The following DNMBP variants were observed in gnomAD, a reference collection of about 807,000 sequenced individuals.
DNMBP encodes dynamin-binding protein.
Under a neutral mutation model 150.0 loss-of-function variants are expected in DNMBP, and 87 were observed. The observed-to-expected ratio is 0.58, with a 90% CI of 0.49 to 0.69. The LOEUF (loss-of-function observed/expected upper bound fraction) is 0.69. Among genes scored for constraint, DNMBP ranks in the 30% least tolerant of loss-of-function variants. DNMBP has a pLI of 0.00. For missense variants in DNMBP, 1,774 were observed against 1,949.0 expected, an observed-to-expected ratio of 0.91 and a Z score of 1.69; for synonymous variants, 711 against 750.4, an observed-to-expected ratio of 0.95 and a Z score of 0.86.
Position 99,956,465 on chromosome 10 carries a change from G to A in DNMBP, c.1009C>T (p.Gln337Ter). The A allele has an allele frequency of 6.2e-7, 1 of 1,614,068 alleles. No individual in the cohort carries two copies. The highest frequency in any genetic ancestry group is 8.5e-7 in the Non-Finnish European group (1 of 1,180,024). The part of the protein sequence containing the change: ...CLENTLGVEE[Q>*]RHETSDHEAE... ...TCATGGTCACTGGTTTCATGTCTTTGTTCCTCTACTCCTAAGGTGTTCTCC... is the reference window on the plus strand; with the variant it reads ...TCATGGTCACTGGTTTCATGTCTTTATTCCTCTACTCCTAAGGTGTTCTCC... Residue 337 changes from glutamine to a stop codon, truncating the protein, a stop_gained, in exon 4 of 17, where the codon CAA (glutamine) becomes TAA (stop). Transcript: ENST00000324109. LOFTEE classifies it high-confidence loss of function.
At chr10:99,903,464 C>G (rs754684390) in intron 6 of DNMBP, among the ~76,000 whole-genome samples, 2 of 152,100 alleles carry the variant, frequency 1.3e-5, no homozygotes, top group Admixed American at 6.6e-5. Context: ...CCCCAAATAG[C>G]TGGAACTACA....
chr10:99,997,313 T>C (rs868642065), intron 1 of DNMBP, among the ~76,000 whole-genome samples: 1 of 152,210 alleles, frequency 6.6e-6, no homozygotes, highest in Non-Finnish European at 1.5e-5. Context: ...CCCTTCCACA[T>C]AGCAGTTGTA....
intron 1 of DNMBP, among the ~76,000 whole-genome samples, chr10:99,979,749 C>T (rs2040763818): frequency 6.6e-6 from 1 of 152,222 alleles, no homozygotes; most frequent in Admixed American, 6.5e-5. Flanking sequence ...CATTTCTAAA[C>T]TTGTCTGGCC....
chr10:99,886,685 G>A, intron 12 of DNMBP, 53 bp from the exon 13 acceptor site: 2 of 1,531,698 alleles, frequency 1.3e-6, no homozygotes, highest in Non-Finnish European at 1.8e-6. Context: ...CCACATTTGT[G>A]ATTATCCAAG....
At chr10:99,961,201 C>G (rs1484290241) in intron 3 of DNMBP, among the ~76,000 whole-genome samples, 1 of 149,786 alleles carries the variant, frequency 6.7e-6, no homozygotes, top group African/African-American at 2.5e-5. Flanking sequence ...GCTTTCCAAA[C>G]TGACTTCTGC....
intron 11 of DNMBP, among the ~76,000 whole-genome samples, chr10:99,891,539 G>A (rs2039560420): frequency 6.6e-6 from 1 of 152,010 alleles, no homozygotes. Context: ...ACACCTCCCA[G>A]CCGCCTGCCT....
chr10:99,997,927 CAAAAA>C (rs71009798), intron 1 of DNMBP, among the ~76,000 whole-genome samples: 3 of 22,328 alleles, frequency 1.3e-4, no homozygotes, highest in African/African-American at 5.2e-4. Context: ...GACTCTGTCT[CAAAAA>C]AAAAAAAAAA....
Position 99,956,350 on chromosome 10 carries a change from T to C in DNMBP, c.1124A>G (p.Tyr375Cys). The C allele has an allele frequency of 6.2e-7, 1 of 1,613,922 alleles. No individual in the cohort carries two copies. Among genetic ancestry groups the C allele is most frequent in the African/African-American group, 1.3e-5 (1 of 74,946 alleles). ...CCCTCCTGCGGTGTCCTCGTCCTGA[T>C]AAGAGTTTCTGTCTGTGTCATACTC... ...TSEYDTDRNS[Y>C]QDEDTAGGPP... The change falls in exon 4 of 17, where the codon TAT becomes TGT. Residue 375 changes from tyrosine to cysteine, a missense_variant. By Grantham distance (194) the Tyr-to-Cys change is radical. Coordinates refer to ENST00000324109, the MANE Select transcript of DNMBP (RefSeq NM_015221.4).
chr10:99,988,865 T>G (rs1312930896), intron 1 of DNMBP, among the ~76,000 whole-genome samples: 1 of 152,154 alleles, frequency 6.6e-6, no homozygotes, highest in African/African-American at 2.4e-5. Flanking sequence ...TTTTACCATG[T>G]TGGCCAGGCT....
intron 4 of DNMBP, chr10:99,914,228 C>T: frequency 1.3e-6 from 1 of 775,482 alleles, no homozygotes; most frequent in Non-Finnish European, 1.8e-6. Context: ...CAACACCTTC[C>T]TTTCTATTTG....
chr10:99,992,526 G>GT (rs1164839351), intron 1 of DNMBP, among the ~76,000 whole-genome samples: 12,859 of 129,534 alleles, frequency 0.099, 1,028 homozygotes, highest in African/African-American at 0.19. Flanking sequence ...GAATCTAGGA[G>GT]TTTTTTTTTT....
At chr10:99,986,930 G>A (rs1418247775) in intron 1 of DNMBP, among the ~76,000 whole-genome samples, 3 of 150,424 alleles carry the variant, frequency 2.0e-5, no homozygotes, top group Admixed American at 6.6e-5. Flanking sequence ...CGAGGCGGGC[G>A]GATCACGAGG....
chr10:99,950,264 A>G (rs571661263), intron 4 of DNMBP, among the ~76,000 whole-genome samples: 7 of 152,320 alleles, frequency 4.6e-5, no homozygotes, highest in South Asian at 4.1e-4. Context: ...GGCCTCCCCA[A>G]CATGTGGAAC....
At chr10:99,991,554 A>G (rs1415231828) in intron 1 of DNMBP, among the ~76,000 whole-genome samples, 2 of 151,484 alleles carry the variant, frequency 1.3e-5, no homozygotes, top group African/African-American at 2.4e-5. Context: ...TCCTAGTACA[A>G]TGTTTTCAAG....
At chr10:99,959,245 G>A (rs949925114) in intron 3 of DNMBP, among the ~76,000 whole-genome samples, 1 of 152,076 alleles carries the variant, frequency 6.6e-6, no homozygotes, top group Non-Finnish European at 1.5e-5. Flanking sequence ...TGATAAACAA[G>A]TTTTAAAAAT....
chr10:99,903,174 C>T (rs2039772106), intron 6 of DNMBP, among the ~76,000 whole-genome samples: 1 of 149,796 alleles, frequency 6.7e-6, no homozygotes. Context: ...CTCCTGGCCT[C>T]AAGCAATCCT....
At position 99,877,145 on chromosome 10, in the gene DNMBP, G is replaced by A. The variant is rs201822884; in HGVS notation, c.*6C>T. On this transcript the variant is annotated 3_prime_UTR_variant, in exon 17 of 17. Transcript: ENST00000324109. ...GCAGCAAGGCTGGGTGGCAGGCAAC[G>A]TGGGCTCAGGTGTACTCGGTTTTGC... The A allele has an allele frequency of 3.0e-4, 478 of 1,600,032 alleles. No individual in the cohort carries two copies. Among genetic ancestry groups the A allele is most frequent in the Non-Finnish European group, 3.7e-4 (439 of 1,173,290 alleles).
chr10:100,005,628 G>A (rs1273077114), intron 1 of DNMBP, among the ~76,000 whole-genome samples: 1 of 151,926 alleles, frequency 6.6e-6, no homozygotes, highest in Non-Finnish European at 1.5e-5. Flanking sequence ...GGTGGCGCAT[G>A]ACTGTAATTC....
At chr10:99,910,488 C>T (rs1264517975) in intron 4 of DNMBP, among the ~76,000 whole-genome samples, 1 of 152,178 alleles carries the variant, frequency 6.6e-6, no homozygotes, top group South Asian at 2.1e-4. Flanking sequence ...TGCAGCGACA[C>T]GAGATAGTGC....
Sources: gnomAD v4.1 joint callset for allele counts (sites outside exome capture counted in the v4.1 genomes callset) on GRCh38, gnomAD v4.1.1 for gene constraint, MANE v1.5 for transcripts, NCBI Gene and HGNC (gene_info 2026-07-23, HGNC 2026-07-21) for gene names.